PTPRJ: variants seen among roughly 807,000 people sequenced by gnomAD.
The protein encoded by PTPRJ is receptor-type tyrosine-protein phosphatase eta.
PTPRJ carries 129 observed loss-of-function variants against 141.3 expected under a neutral mutation model. That is an observed-to-expected ratio of 0.91 (90% CI 0.79 to 1.06). PTPRJ has a LOEUF of 1.06. Among genes scored for constraint, PTPRJ ranks in the 50% least tolerant of loss-of-function variants. The probability of loss-of-function intolerance (pLI) is 0.00; values close to 1 mark genes in which losing one functional copy is unlikely to be tolerated. For missense variants in PTPRJ, 1,601 were observed against 1,679.7 expected (o/e 0.95, Z 0.82); for synonymous variants, 610 against 640.5 (o/e 0.95, Z 0.72).
chr11:48,114,676 A>T lies in PTPRJ; in HGVS notation c.352+1693A>T, dbSNP rs140370536. Among the ~76,000 whole-genome samples, 830 of 152,252 alleles carry T rather than the reference A, an allele frequency of 5.5e-3. 11 individuals carry two copies. Among genetic ancestry groups the T allele is most frequent in the African/African-American group, 0.019 (804 of 41,546 alleles). ...ACAAGGATCAAGAATAATCAGGGAA[A>T]CGTGATATTACCAGAGAAACAAAAT... On this transcript the variant is annotated intron_variant, in intron 3 of 24. Coordinates refer to ENST00000418331, the MANE Select transcript of PTPRJ (RefSeq NM_002843.4).
In PTPRJ at chr11:48,048,341, C is replaced by T. The variant is rs116415665; in HGVS notation, c.97-61717C>T. On this transcript the variant is annotated intron_variant, in intron 1 of 24. Transcript: ENST00000418331. ...CCTTGCCTCCTAAGTGGCAGTGCCC[C>T]GCTGCTGGGAAGACTCCTCTCTCTG... 4.0e-3 allele frequency among the ~76,000 whole-genome samples: 602 copies of T among 152,270 alleles called. 4 individuals carry two copies. The highest frequency in any genetic ancestry group is 0.013 in the African/African-American group (550 of 41,536).
In PTPRJ at chr11:48,130,722, C is replaced by A. The variant is rs745565956; in HGVS notation, c.1615+6C>A. ...GACAGTTTGCAATAGAACTGGTAAG[C>A]AAATAGGCTTTTCTGTTAAACCATC... On this transcript the variant is annotated splice_donor_region_variant and intron_variant, in intron 8 of 24. Coordinates refer to ENST00000418331, the MANE Select transcript of PTPRJ (RefSeq NM_002843.4). 1.9e-6 allele frequency: 3 copies of A among 1,589,170 alleles called. No homozygotes were observed. The highest frequency in any genetic ancestry group is 2.6e-6 in the Non-Finnish European group (3 of 1,163,346).
chr11:47,994,264 C>T (rs956882424), intron 1 of PTPRJ, among the ~76,000 whole-genome samples: 2 of 151,560 alleles, frequency 1.3e-5, no homozygotes, highest in Non-Finnish European at 2.9e-5. Context: ...CTTTTTGATG[C>T]GATTTCTTTG....
chr11:48,047,827 G>C (rs747931093), intron 1 of PTPRJ, among the ~76,000 whole-genome samples: 22 of 152,196 alleles, frequency 1.4e-4, no homozygotes, highest in Non-Finnish European at 2.8e-4. Context: ...ATGGGATTGG[G>C]GGTGGGGTGG....
chr11:48,074,659 G>A (rs973888755), intron 1 of PTPRJ, among the ~76,000 whole-genome samples: 32 of 152,180 alleles, frequency 2.1e-4, no homozygotes, highest in African/African-American at 7.7e-4. Context: ...CAATTTGGGT[G>A]AAACTGTGAA....
chr11:48,000,473 T>C (rs1854465960), intron 1 of PTPRJ, among the ~76,000 whole-genome samples: 1 of 152,052 alleles, frequency 6.6e-6, no homozygotes, highest in Non-Finnish European at 1.5e-5. Flanking sequence ...TTGAGGTGTG[T>C]TATTCCACTG....
intron 3 of PTPRJ, among the ~76,000 whole-genome samples, chr11:48,113,791 T>C (rs902153840): frequency 2.0e-5 from 3 of 152,218 alleles, no homozygotes; most frequent in African/African-American, 7.2e-5. Flanking sequence ...TTACAGCTAA[T>C]GGAATGTATG....
chr11:48,150,220 G>T (rs1391520416), intron 18 of PTPRJ, 37 bp downstream of exon 18: 19 of 1,580,706 alleles, frequency 1.2e-5, no homozygotes, highest in Non-Finnish European at 1.5e-5. Flanking sequence ...ATTGTGTCAG[G>T]TTCCAACCCA....
At chr11:48,030,781 G>A (rs1853958971) in intron 1 of PTPRJ, among the ~76,000 whole-genome samples, 1 of 151,946 alleles carries the variant, frequency 6.6e-6, no homozygotes, top group Admixed American at 6.6e-5. Context: ...ATAAAGAGGA[G>A]GCCTTTCCTG....
At chr11:48,133,029 C>T (rs1243405896) in intron 8 of PTPRJ, among the ~76,000 whole-genome samples, 1 of 152,164 alleles carries the variant, frequency 6.6e-6, no homozygotes, top group African/African-American at 2.4e-5. Context: ...TGCTATTGCC[C>T]AGAACTTACT....
intron 3 of PTPRJ, 72 bp from the exon 4 acceptor site, chr11:48,120,931 A>C: frequency 7.4e-7 from 1 of 1,356,106 alleles, no homozygotes; most frequent in Non-Finnish European, 9.9e-7. Context: ...GAAACTAGAC[A>C]TATAGAGCAG....
chr11:47,980,608 G>A lies in PTPRJ; in HGVS notation c.-305G>A. On this transcript the variant is annotated 5_prime_UTR_variant, in exon 1 of 25. Coordinates refer to ENST00000418331, the MANE Select transcript of PTPRJ (RefSeq NM_002843.4). ...GGAGGCAGCGGGAGCAGCCGCGGGA[G>A]CCGGGACCGGGTAGCCGCGCGCTGG... 1 of 983,496 alleles carries A rather than the reference G, an allele frequency of 1.0e-6. No individual in the cohort carries two copies. Among genetic ancestry groups the A allele is most frequent in the Non-Finnish European group, 1.2e-6 (1 of 829,522 alleles). The allele number at this position is 983,496 out of a possible 1,614,324, so 60.9% of individuals were successfully genotyped here. A position where few individuals can be genotyped will look rare whatever the true frequency, so the allele number is the denominator to read the frequency against.
Position 48,168,579 on chromosome 11 carries a change from T to TATATATAC in PTPRJ, c.*1220_*1221insTATACATA, listed in dbSNP as rs1565338158. The TATATATAC allele has an allele frequency of 2.5e-5, 3 of 119,918 alleles. No homozygotes were observed. The highest frequency in any genetic ancestry group is 6.2e-5 in the African/African-American group (2 of 32,328). The allele number at this position is 119,918 out of a possible 1,614,324, so 7.4% of individuals were successfully genotyped here. A position where few individuals can be genotyped will look rare whatever the true frequency, so the allele number is the denominator to read the frequency against. On this transcript the variant is annotated 3_prime_UTR_variant, in exon 25 of 25. Coordinates refer to ENST00000418331, the MANE Select transcript of PTPRJ (RefSeq NM_002843.4). Reference sequence around the variant, plus strand: ...ATATATATATATATATATATATATATATACACTAAGCTCTCAAAAACAGTC... The same window carrying TATATATAC: ...ATATATATATATATATATATATATATATATATACATACACTAAGCTCTCAAAAACAGTC...
At chr11:48,099,097 A>G (rs1364679723) in intron 1 of PTPRJ, among the ~76,000 whole-genome samples, 1 of 152,214 alleles carries the variant, frequency 6.6e-6, no homozygotes, top group East Asian at 1.9e-4. Context: ...ATCTCAAGCT[A>G]GTAATCATCA....
At chr11:48,051,009 G>A (rs549098399) in intron 1 of PTPRJ, among the ~76,000 whole-genome samples, 15 of 149,902 alleles carry the variant, frequency 1.0e-4, no homozygotes, top group African/African-American at 3.0e-4. Flanking sequence ...TTGCCAAGGC[G>A]TCTGGTGAAT....
chr11:48,128,070 C>T (rs959800778), intron 7 of PTPRJ, 27 bp downstream of exon 7: 1 of 1,600,590 alleles, frequency 6.2e-7, no homozygotes, highest in Non-Finnish European at 8.5e-7. Flanking sequence ...CTCTCACCAC[C>T]CTTTCCTGCT....
At position 48,139,574 on chromosome 11, in the gene PTPRJ, T is replaced by G. The variant is rs200458536; in HGVS notation, c.2241T>G (p.Asn747Lys). 52 of 1,614,232 alleles carry G rather than the reference T, an allele frequency of 3.2e-5. No homozygotes were observed. Among genetic ancestry groups the G allele is most frequent in the Non-Finnish European group, 4.2e-5 (50 of 1,180,038 alleles). ...VLKWTCPPGA[N>K]AGFELEVSSG... ...AATGGACCTGCCCTCCTGGCGCCAATGCAGGCTTTGAGCTGGAGGTCAGCA... is the reference window on the plus strand; with the variant it reads ...AATGGACCTGCCCTCCTGGCGCCAAGGCAGGCTTTGAGCTGGAGGTCAGCA... Residue 747 changes from asparagine (N) to lysine (K), a missense_variant, in exon 11 of 25, where the codon AAT (asparagine) becomes AAG (lysine). Physicochemically the swap from Asn to Lys is moderately conservative, Grantham distance 94. Coordinates refer to ENST00000418331, the MANE Select transcript of PTPRJ (RefSeq NM_002843.4).
chr11:48,080,400 G>C (rs535777324), intron 1 of PTPRJ, among the ~76,000 whole-genome samples: 1 of 152,278 alleles, frequency 6.6e-6, no homozygotes, highest in East Asian at 1.9e-4. Flanking sequence ...GTGAGGCTTA[G>C]AAAGGCCAAC....
rs143510321 is a variant in PTPRJ at position 48,078,441 on chromosome 11, C to T, written c.97-31617C>T. ...TAGGAGACAAGGGTGGAAAGGTGTCCTGGAGCCCTACAGAGATGGGCTTCA... is the reference window on the plus strand; with the variant it reads ...TAGGAGACAAGGGTGGAAAGGTGTCTTGGAGCCCTACAGAGATGGGCTTCA... On this transcript the variant is annotated intron_variant, in intron 1 of 24. Transcript: ENST00000418331. 2.0e-3 allele frequency among the ~76,000 whole-genome samples: 299 copies of T among 152,276 alleles called. 6 individuals carry two copies. In the East Asian group the frequency reaches 0.045, roughly 23 times the overall value.
Sources: allele counts gnomAD v4.1 joint callset (sites outside exome capture counted in the v4.1 genomes callset), GRCh38; gene constraint gnomAD v4.1.1; transcripts MANE v1.5; gene names NCBI Gene and HGNC (gene_info 2026-07-23, HGNC 2026-07-21).